Variants in RASSF5 observed in about 807,000 individuals in gnomAD.
RASSF5 encodes the protein Ras association domain family member 5.
Under a neutral mutation model 40.5 loss-of-function variants are expected in RASSF5, and 25 were observed. That is an observed-to-expected ratio of 0.62 (90% CI 0.45 to 0.86). RASSF5 has a LOEUF of 0.86. Among genes scored for constraint, RASSF5 ranks in the 40% least tolerant of loss-of-function variants. RASSF5 has a pLI of 0.00. For synonymous variants in RASSF5, 246 were observed against 252.4 expected (o/e 0.97, Z 0.24); for missense variants, 521 against 572.8 (o/e 0.91, Z 0.92).
chr1:206,575,967 G>A (rs564978550), intron 2 of RASSF5, among the ~76,000 whole-genome samples: 3 of 152,208 alleles, frequency 2.0e-5, no homozygotes, highest in Non-Finnish European at 2.9e-5. Context: ...TCTGGCCTGA[G>A]ACTCCCCAGG....
intron 2 of RASSF5, among the ~76,000 whole-genome samples, chr1:206,578,233 AGTGTGTGTGTGTGT>A (rs58059864): frequency 5.1e-4 from 60 of 117,494 alleles, no homozygotes; most frequent in Non-Finnish European, 9.1e-4. Context: ...AAAAAAAAAA[AGTGTGTGTGTGTGT>A]GTGTGTGTGT....
In RASSF5 at chr1:206,507,650, A is replaced by G; in HGVS notation, c.48A>G (p.Leu16=). 1 of 1,532,728 alleles carries G rather than the reference A, an allele frequency of 6.5e-7. No homozygotes were observed. The highest frequency in any genetic ancestry group is 8.7e-7 in the Non-Finnish European group (1 of 1,146,282). 94.9% of individuals were successfully genotyped at this position (1,532,728 alleles called of 1,614,324 possible). A position where few individuals can be genotyped will look rare whatever the true frequency, so the allele number is the denominator to read the frequency against. ...PAIGQRPYPL[L]LDPEPPRYLQ... ...TCGGGCAGCGCCCGTACCCGCTACTATTGGACCCCGAGCCGCCGCGCTATC... is the reference window on the plus strand; with the variant it reads ...TCGGGCAGCGCCCGTACCCGCTACTGTTGGACCCCGAGCCGCCGCGCTATC... Residue 16 remains leucine, a synonymous_variant, in exon 1 of 6, where the codon CTA becomes CTG. Transcript: ENST00000579436.
intron 1 of RASSF5, among the ~76,000 whole-genome samples, chr1:206,509,656 T>A (rs911571468): frequency 1.3e-5 from 2 of 152,154 alleles, no homozygotes; most frequent in South Asian, 2.1e-4. Flanking sequence ...TCGTTGGCAT[T>A]CTAGTTTGTA....
At chr1:206,559,743 C>G (rs1024907936) in intron 2 of RASSF5, among the ~76,000 whole-genome samples, 1 of 152,172 alleles carries the variant, frequency 6.6e-6, no homozygotes, top group Non-Finnish European at 1.5e-5. Flanking sequence ...GTGGTGGGCA[C>G]GGCCCCTCTT....
chr1:206,585,149 A>C, intron 4 of RASSF5, 31 bp from the exon 5 acceptor site: 771 of 1,524,946 alleles, frequency 5.1e-4, no homozygotes, highest in Non-Finnish European at 6.4e-4. Flanking sequence ...TTTTCTGGGA[A>C]GAGCTCCCAG....
chr1:206,577,026 G>A (rs1167188852), intron 2 of RASSF5, among the ~76,000 whole-genome samples: 1 of 151,468 alleles, frequency 6.6e-6, no homozygotes, highest in Non-Finnish European at 1.5e-5. Context: ...GCCCAGACTG[G>A]TCTCGAACTC....
chr1:206,574,853 C>CTTTTTTT (rs71570015), intron 2 of RASSF5, among the ~76,000 whole-genome samples: 9 of 86,108 alleles, frequency 1.0e-4, no homozygotes, highest in East Asian at 8.3e-4. Flanking sequence ...GGACCAATGA[C>CTTTTTTT]TTTTTTTTTT....
At position 206,587,759 on chromosome 1, in the gene RASSF5, G is replaced by C. The variant is rs903841509; in HGVS notation, c.*781G>C. ...ATTTGAATTTAATGTTGTCATCATC[G>C]TCATGTGTTTCCCCAAAGGGAAGCC... On this transcript the variant is annotated 3_prime_UTR_variant, in exon 6 of 6. Transcript: ENST00000579436. The C allele has an allele frequency of 6.6e-6, 1 of 152,410 alleles. No homozygotes were observed. Among genetic ancestry groups the C allele is most frequent in the Non-Finnish European group, 1.5e-5 (1 of 68,062 alleles). 9.4% of individuals were successfully genotyped at this position (152,410 alleles called of 1,614,324 possible). A position where few individuals can be genotyped will look rare whatever the true frequency, so the allele number is the denominator to read the frequency against.
intron 1 of RASSF5, among the ~76,000 whole-genome samples, chr1:206,534,672 G>T (rs1305586721): frequency 2.6e-5 from 4 of 152,200 alleles, no homozygotes; most frequent in African/African-American, 7.2e-5. Flanking sequence ...CCACAGCCAG[G>T]CCCCTGCTTT....
chr1:206,525,231 A>G (rs967092718), intron 1 of RASSF5, among the ~76,000 whole-genome samples: 1 of 150,244 alleles, frequency 6.7e-6, no homozygotes, highest in South Asian at 2.1e-4. Context: ...ACCCACCCAC[A>G]CCCACCCACG....
At chr1:206,573,831 G>A (rs1668539029) in intron 2 of RASSF5, among the ~76,000 whole-genome samples, 1 of 152,222 alleles carries the variant, frequency 6.6e-6, no homozygotes, top group African/African-American at 2.4e-5. Context: ...AATATAGTGA[G>A]AGCCCCATCT....
chr1:206,523,481 TATA>T (rs552933986), intron 1 of RASSF5, among the ~76,000 whole-genome samples: 5,850 of 107,554 alleles, frequency 0.054, 228 homozygotes, highest in South Asian at 0.092. Flanking sequence ...ATATACAATA[TATA>T]ATATTATATA....
intron 1 of RASSF5, among the ~76,000 whole-genome samples, chr1:206,533,451 A>T (rs978441261): frequency 6.6e-6 from 1 of 152,090 alleles, no homozygotes; most frequent in Non-Finnish European, 1.5e-5. Flanking sequence ...CCCAAAAATG[A>T]TATACTTAAG....
At chr1:206,520,118 G>A (rs1336925029) in intron 1 of RASSF5, among the ~76,000 whole-genome samples, 1 of 152,200 alleles carries the variant, frequency 6.6e-6, no homozygotes, top group Admixed American at 6.5e-5. Flanking sequence ...ATTAAGGTCA[G>A]GGCACATACC....
At chr1:206,524,073 A>G (rs1172071349) in intron 1 of RASSF5, among the ~76,000 whole-genome samples, 6 of 124,934 alleles carry the variant, frequency 4.8e-5, no homozygotes, top group Admixed American at 4.8e-4. Context: ...CATATATAAT[A>G]TATTTTATAT....
At chr1:206,546,126 T>TGGG (rs143824222) in intron 2 of RASSF5, among the ~76,000 whole-genome samples, 3,875 of 90,452 alleles carry the variant, frequency 0.043, 399 homozygotes, top group African/African-American at 0.15. Flanking sequence ...TTTTTTTTTT[T>TGGG]GGGACAGGAT....
In RASSF5 at chr1:206,536,144, C is replaced by G. The variant is rs187845899; in HGVS notation, c.458-2028C>G. Among the ~76,000 whole-genome samples the G allele has an allele frequency of 1.5e-3, 234 of 152,258 alleles. 1 individual carries two copies. The highest frequency in any genetic ancestry group is 0.015 in the South Asian group (72 of 4,824). On this transcript the variant is annotated intron_variant, in intron 1 of 5. Coordinates refer to ENST00000579436, the MANE Select transcript of RASSF5 (RefSeq NM_182663.4). The stretch of plus-strand genomic sequence containing the variant: ...ACTTCCCTTTGTACCCTTCACCTTA[C>G]TAAAGGGGAGGCTGTTTTTGTGCTG...
intron 2 of RASSF5, among the ~76,000 whole-genome samples, chr1:206,567,336 C>T (rs1668316292): frequency 6.6e-6 from 1 of 152,172 alleles, no homozygotes; most frequent in African/African-American, 2.4e-5. Flanking sequence ...CTCTGTCTGC[C>T]TTTCAGCTTT....
chr1:206,509,069 C>A (rs782331171), intron 1 of RASSF5, among the ~76,000 whole-genome samples: 2 of 150,408 alleles, frequency 1.3e-5, no homozygotes, highest in African/African-American at 2.4e-5. Context: ...TTTCAAATAT[C>A]TGAAGCCCAA....
Sources: allele counts gnomAD v4.1 joint callset (sites outside exome capture counted in the v4.1 genomes callset), GRCh38; gene constraint gnomAD v4.1.1; transcripts MANE v1.5; gene names NCBI Gene and HGNC (gene_info 2026-07-23, HGNC 2026-07-21).